GCN1: variants seen among roughly 807,000 people sequenced by gnomAD.
The protein encoded by GCN1 is GCN1 activator of EIF2AK4, also known as stalled ribosome sensor GCN1.
A neutral mutation model predicts 288.4 loss-of-function variants in GCN1; 90 were observed. The observed-to-expected ratio is 0.31, with a 90% CI of 0.26 to 0.37. GCN1 has a LOEUF of 0.37. GCN1 is among the 10% of genes least tolerant of loss of function. GCN1 has a pLI of 1.00. For missense variants in GCN1, 2,586 were observed against 3,419.9 expected (o/e 0.76, Z 6.08); for synonymous variants, 1,386 against 1,420.2 (o/e 0.98, Z 0.54).
rs1877489588 is a variant in GCN1, at chr12:120,150,062, G to A, written c.4310-19C>T. The A allele has an allele frequency of 6.2e-7, 1 of 1,612,970 alleles. No individual in the cohort carries two copies. The highest frequency in any genetic ancestry group is 2.2e-5 in the East Asian group (1 of 44,868). On this transcript the variant is annotated intron_variant, in intron 34 of 57. Transcript: ENST00000300648. ...AGGGCTCCTAGGGGAAAAGAAGGTG[G>A]GACGGCTGGGAAGAGAATGTCCCCT... is the stretch of plus-strand genomic sequence containing the variant.
chr12:120,156,829 C>T lies in GCN1; in HGVS notation c.3168+83G>A. On this transcript the variant is annotated intron_variant, in intron 27 of 57. Coordinates refer to ENST00000300648, the MANE Select transcript of GCN1 (RefSeq NM_006836.2). This position sits in a 1 kb window ranked among gnomAD's most constrained non-coding sequence, Gnocchi z 5.8. Reference sequence around the variant, plus strand: ...TCCAAAAGTAAGGGCTGAAAGGAAACTAGGACTCCACCCTTTACACTGGGA... The same window carrying T: ...TCCAAAAGTAAGGGCTGAAAGGAAATTAGGACTCCACCCTTTACACTGGGA... The T allele has an allele frequency of 9.5e-7, 1 of 1,055,026 alleles. No homozygotes were observed. The highest frequency in any genetic ancestry group is 1.5e-6 in the Non-Finnish European group (1 of 672,324). 65.4% of individuals were successfully genotyped at this position (1,055,026 alleles called of 1,614,324 possible). A position where few individuals can be genotyped will look rare whatever the true frequency, so the allele number is the denominator to read the frequency against.
At position 120,138,027 on chromosome 12, in the gene GCN1, G is replaced by T; in HGVS notation, c.6267C>A (p.Val2089=). ...YLVPKLTTPP[V]NTRVLAFLSS... is the part of the protein sequence containing the mutation. ...AAAGGAAAGCCAGCACCCGGGTGTT[G>T]ACAGGTGGCGTTGTCAGCTGGTGGA... Residue 2089 remains valine, a synonymous_variant, in exon 48 of 58, where the codon GTC becomes GTA. Transcript: ENST00000300648. 1.2e-6 allele frequency: 2 copies of T among 1,613,442 alleles called. No individual in the cohort carries two copies. Among genetic ancestry groups the T allele is most frequent in the South Asian group, 2.2e-5 (2 of 90,978 alleles).
chr12:120,130,489 C>T (rs1308306335), intron 56 of GCN1, among the ~76,000 whole-genome samples, 157 bp downstream of exon 56: 2 of 152,154 alleles, frequency 1.3e-5, no homozygotes, highest in Non-Finnish European at 2.9e-5. Context: ...CAGAAACCCC[C>T]TACATTCCAT....
At chr12:120,169,547 A>C (rs1043020870) in intron 15 of GCN1, among the ~76,000 whole-genome samples, 5 of 152,122 alleles carry the variant, frequency 3.3e-5, no homozygotes, top group African/African-American at 1.2e-4. Flanking sequence ...TGTGCCACCC[A>C]GGCTGGAGTG....
In GCN1 at chr12:120,155,596, C is replaced by T. The variant is rs775286385; in HGVS notation, c.3436G>A (p.Glu1146Lys). ...GCGACATGCTGGCTCTCTCACCTCTCAGCCAGCTTCCGGATCTCCTCCTCC... is the reference window on the plus strand; with the variant it reads ...GCGACATGCTGGCTCTCTCACCTCTTAGCCAGCTTCCGGATCTCCTCCTCC... Reference protein sequence around the residue: ...DKEEEIRKLAERLWSMMGLDL... With the variant: ...DKEEEIRKLAKRLWSMMGLDL... The change falls in exon 29 of 58, where the codon GAG becomes AAG. Residue 1146 changes from glutamate to lysine, a missense_variant. Physicochemically the swap from Glu to Lys is moderately conservative, Grantham distance 56. Transcript: ENST00000300648. The surrounding 1 kb of genome is among the most constrained non-coding windows in gnomAD (Gnocchi z 4.9). 6.2e-7 allele frequency: 1 copy of T among 1,614,100 alleles called. No individual in the cohort carries two copies. The highest frequency in any genetic ancestry group is 2.2e-5 in the East Asian group (1 of 44,886).
intron 2 of GCN1, among the ~76,000 whole-genome samples, chr12:120,186,734 AACAC>A (rs1263789544): frequency 1.3e-5 from 2 of 152,356 alleles, no homozygotes; most frequent in Admixed American, 1.3e-4. Flanking sequence ...AATAACAGCT[AACAC>A]ACACTGTGAG....
chr12:120,162,133 C>G, intron 20 of GCN1, 75 bp from the exon 21 acceptor site: 2 of 1,222,854 alleles, frequency 1.6e-6, no homozygotes, highest in South Asian at 1.3e-5. Flanking sequence ...ACCTGAATGC[C>G]CCTAGCACTG....
At position 120,131,195 on chromosome 12, in the gene GCN1, G is replaced by A. The variant is rs763602446; in HGVS notation, c.7553C>T (p.Thr2518Met). 2.5e-5 allele frequency: 41 copies of A among 1,613,962 alleles called. No homozygotes were observed. The African/African-American group carries it at 2.7e-4, about 11-fold the overall frequency. The part of the protein sequence containing the change: ...DVQEMILSSA[T>M]ADRIPIAVSG... ...GCCCGAATGCCTTACCCTGTCCGCC[G>A]TGGCACTGCTCAGGATCATTTCCTG... Residue 2518 changes from threonine (T) to methionine (M), a missense_variant, in exon 55 of 58, where the codon ACG (threonine) becomes ATG (methionine). Physicochemically the swap from Thr to Met is moderately conservative, Grantham distance 81. Around this residue, in one of 8 missense-constraint regions of GCN1, gnomAD observed 355 missense variants for 431.1 expected, o/e 0.82. Coordinates refer to ENST00000300648, the MANE Select transcript of GCN1 (RefSeq NM_006836.2).
chr12:120,137,481 T>G lies in GCN1; in HGVS notation c.6663+64A>C. On this transcript the variant is annotated intron_variant, in intron 49 of 57. Coordinates refer to ENST00000300648, the MANE Select transcript of GCN1 (RefSeq NM_006836.2). This position sits in a 1 kb window ranked among gnomAD's most constrained non-coding sequence, Gnocchi z 5.2. The stretch of plus-strand genomic sequence containing the variant: ...TACGTGGGGGATTCTTATAAGTCTA[T>G]TCCTGTAAATGTCTGGAATTTTCTA... The G allele has an allele frequency of 6.4e-7, 1 of 1,559,488 alleles. No individual in the cohort carries two copies. Among genetic ancestry groups the G allele is most frequent in the African/African-American group, 1.4e-5 (1 of 73,796 alleles).
Position 120,158,086 on chromosome 12 carries a change from T to A in GCN1, c.2906-56A>T. On this transcript the variant is annotated intron_variant, in intron 25 of 57. Coordinates refer to ENST00000300648, the MANE Select transcript of GCN1 (RefSeq NM_006836.2). This position sits in a 1 kb window ranked among gnomAD's most constrained non-coding sequence, Gnocchi z 4.3. ...CAGGCAGGGCAGGGACCCGGGCCAC[T>A]GCTGCCTATTTCTATCCTCAGGGAA... 6.5e-7 allele frequency: 1 copy of A among 1,542,742 alleles called. No individual in the cohort carries two copies. The highest frequency in any genetic ancestry group is 8.9e-7 in the Non-Finnish European group (1 of 1,123,458).
At chr12:120,186,610 G>A (rs545673050) in intron 2 of GCN1, among the ~76,000 whole-genome samples, 6 of 152,154 alleles carry the variant, frequency 3.9e-5, no homozygotes, top group Non-Finnish European at 7.3e-5. Flanking sequence ...GTACAGGGAC[G>A]CAGTTTCCCC....
chr12:120,170,022 T>G, intron 15 of GCN1, 147 bp downstream of exon 15: 2 of 696,756 alleles, frequency 2.9e-6, no homozygotes, highest in South Asian at 3.5e-5. Context: ...CATGCAACCA[T>G]GAGGTTCATC....
chr12:120,149,769 G>GGCAA (rs1422429769), intron 35 of GCN1, 49 bp from the exon 36 acceptor site: 1 of 1,552,670 alleles, frequency 6.4e-7, no homozygotes, highest in Non-Finnish European at 8.9e-7. Flanking sequence ...CCAAGCAAGG[G>GGCAA]GCAAGGCCTG....
intron 53 of GCN1, among the ~76,000 whole-genome samples, chr12:120,133,230 G>A (rs776519464): frequency 1.2e-4 from 18 of 152,130 alleles, no homozygotes; most frequent in Non-Finnish European, 2.1e-4. Context: ...TGTCAATGAC[G>A]TGTAAAACCA....
At chr12:120,189,306 C>T (rs1040081255) in intron 2 of GCN1, among the ~76,000 whole-genome samples, 11 of 150,878 alleles carry the variant, frequency 7.3e-5, no homozygotes, top group Middle Eastern at 3.2e-3. Context: ...CTCCTGACCT[C>T]GTGATCCACT....
intron 38 of GCN1, 30 bp from the exon 39 acceptor site, chr12:120,145,360 A>C (rs549093404): frequency 1.4e-4 from 209 of 1,506,994 alleles, no homozygotes; most frequent in Admixed American, 4.4e-4. Context: ...GGCTCAGGTG[A>C]GGCCCGACTC....
At position 120,137,378 on chromosome 12, in the gene GCN1, G is replaced by A. The variant is rs1331430816; in HGVS notation, c.6664-59C>T. On this transcript the variant is annotated intron_variant, in intron 49 of 57. Transcript: ENST00000300648. This position sits in a 1 kb window ranked among gnomAD's most constrained non-coding sequence, Gnocchi z 5.2. ...CAGCCCTCTCAAGACTGCTTCCAAA[G>A]AATATATGGGGAAAGCGTGGGCGGG... 2 of 1,478,026 alleles carry A rather than the reference G, an allele frequency of 1.4e-6. No homozygotes were observed. 91.6% of individuals were successfully genotyped at this position (1,478,026 alleles called of 1,614,324 possible).
Position 120,153,551 on chromosome 12 carries a change from G to T in GCN1, c.3868-144C>A. ...CAGCCAGTGGCTCTTCCAGTTTTCT[G>T]GCAGGACTGCCACAGACTTAAAAGA... On this transcript the variant is annotated intron_variant, in intron 32 of 57. Coordinates refer to ENST00000300648, the MANE Select transcript of GCN1 (RefSeq NM_006836.2). This position sits in a 1 kb window ranked among gnomAD's most constrained non-coding sequence, Gnocchi z 4.4. 2.2e-6 allele frequency: 2 copies of T among 895,442 alleles called. No individual in the cohort carries two copies. Among genetic ancestry groups the T allele is most frequent in the Non-Finnish European group, 3.4e-6 (2 of 590,482 alleles). The allele number at this position is 895,442 out of a possible 1,614,324, so 55.5% of individuals were successfully genotyped here.
In GCN1 at chr12:120,177,667, G is replaced by A. The variant is rs1878523320; in HGVS notation, c.729+17C>T. ...GGGATCAGTTGTCCAGGTGAGTAAC[G>A]TCCACCTCTCGCTCACCAACAGGTA... On this transcript the variant is annotated intron_variant, in intron 8 of 57. Coordinates refer to ENST00000300648, the MANE Select transcript of GCN1 (RefSeq NM_006836.2). 2 of 1,597,922 alleles carry A rather than the reference G, an allele frequency of 1.3e-6. No individual in the cohort carries two copies. The highest frequency in any genetic ancestry group is 1.1e-5 in the South Asian group (1 of 90,756).
Sources: gnomAD v4.1 joint callset for allele counts (sites outside exome capture counted in the v4.1 genomes callset) on GRCh38, gnomAD v4.1.1 for gene constraint, gnomAD v4.1.1 regional missense constraint, Gnocchi (gnomAD v3.1) non-coding constraint, MANE v1.5 for transcripts, NCBI Gene and HGNC (gene_info 2026-07-23, HGNC 2026-07-21) for gene names.